CFAP52: variants seen among roughly 807,000 people sequenced by gnomAD.
CFAP52 encodes cilia and flagella associated protein 52.
Under a neutral mutation model 70.5 loss-of-function variants are expected in CFAP52, and 57 were observed. The ratio of observed to expected loss-of-function variants is 0.81; its 90% CI spans 0.65 to 1.01. The LOEUF is 1.01. CFAP52 is among the 50% of genes least tolerant of loss of function. The pLI is 0.00. For synonymous variants in CFAP52, 267 were observed against 292.5 expected (o/e 0.91, Z 0.89); for missense variants, 785 against 788.5 (o/e 1.00, Z 0.05).
chr17:9,644,266 T>C (rs978108655), downstream of CFAP52, among the ~76,000 whole-genome samples: 2 of 152,254 alleles, frequency 1.3e-5, no homozygotes, highest in African/African-American at 4.8e-5. Flanking sequence ...CCACCACGCC[T>C]GGCTAATTTT....
At chr17:9,628,418 T>C (rs1260071396) in intron 8 of CFAP52, among the ~76,000 whole-genome samples, 1 of 152,022 alleles carries the variant, frequency 6.6e-6, no homozygotes, top group Non-Finnish European at 1.5e-5. Flanking sequence ...TAGCTGGGAT[T>C]ACAGGCATGC....
At chr17:9,600,498 C>T (rs191164063) in intron 6 of CFAP52, among the ~76,000 whole-genome samples, 1 of 152,180 alleles carries the variant, frequency 6.6e-6, no homozygotes. Context: ...CCACCTTGGC[C>T]TCTCAAAGTG....
Position 9,590,275 on chromosome 17 carries a change from G to A in CFAP52, c.407+3441G>A, listed in dbSNP as rs892396169. ...ATGCCCATGTGCCTGCCCTTCTGGCGGGCCAAGGTGTTTTCCCATCATCCA... is the reference window on the plus strand; with the variant it reads ...ATGCCCATGTGCCTGCCCTTCTGGCAGGCCAAGGTGTTTTCCCATCATCCA... On this transcript the variant is annotated intron_variant, in intron 3 of 13. Transcript: ENST00000352665. 4.4e-4 allele frequency: 83 copies of A among 189,352 alleles called. 1 individual carries two copies. Among genetic ancestry groups the A allele is most frequent in the Admixed American group, 4.3e-3 (83 of 19,180 alleles). 11.7% of individuals were successfully genotyped at this position (189,352 alleles called of 1,614,324 possible).
downstream of CFAP52, chr17:9,644,962 G>C (rs1275275666): frequency 6.6e-6 from 1 of 152,176 alleles, no homozygotes; most frequent in Admixed American, 6.5e-5. Context: ...ACAACCACTC[G>C]GGGGCTTTTT....
chr17:9,610,109 G>A (rs1350063183), intron 7 of CFAP52, among the ~76,000 whole-genome samples: 8 of 152,070 alleles, frequency 5.3e-5, no homozygotes, highest in Admixed American at 2.6e-4. Flanking sequence ...GAGGAATGAT[G>A]AGAAACTTAA....
chr17:9,636,897 T>A (rs1245239498), intron 11 of CFAP52, among the ~76,000 whole-genome samples: 1 of 151,942 alleles, frequency 6.6e-6, no homozygotes, highest in Non-Finnish European at 1.5e-5. Context: ...ATACAAAAAG[T>A]AGCTGGGCGT....
chr17:9,641,314 G>C (rs936270830), intron 12 of CFAP52, among the ~76,000 whole-genome samples: 1 of 152,174 alleles, frequency 6.6e-6, no homozygotes, highest in African/African-American at 2.4e-5. Context: ...GTACAGCCCA[G>C]TCTCTAGAAC....
At chr17:9,577,369 A>G (rs950741985) in intron 1 of CFAP52, among the ~76,000 whole-genome samples, 1 of 152,198 alleles carries the variant, frequency 6.6e-6, no homozygotes, top group Admixed American at 6.5e-5. Flanking sequence ...AAGCGGAGAG[A>G]AAAAGGGACT....
At chr17:9,625,697 G>C (rs921252774) in intron 8 of CFAP52, among the ~76,000 whole-genome samples, 4 of 152,144 alleles carry the variant, frequency 2.6e-5, no homozygotes, top group African/African-American at 9.7e-5. Context: ...ACCCTTTCCA[G>C]TTGCACTCTT....
At chr17:9,614,375 C>T (rs1422746821) in intron 8 of CFAP52, among the ~76,000 whole-genome samples, 13 of 151,968 alleles carry the variant, frequency 8.6e-5, no homozygotes, top group Admixed American at 5.9e-4. Context: ...CAGCTGGTCG[C>T]GAGCTCCCAA....
chr17:9,633,642 C>T (rs149175633), intron 10 of CFAP52, among the ~76,000 whole-genome samples: 356 of 151,652 alleles, frequency 2.3e-3, no homozygotes, highest in African/African-American at 8.3e-3. Context: ...TCTTTTCCTC[C>T]GAGGATCGTG....
chr17:9,631,675 G>A (rs1464487911), intron 9 of CFAP52, among the ~76,000 whole-genome samples: 1 of 152,138 alleles, frequency 6.6e-6, no homozygotes, highest in Non-Finnish European at 1.5e-5. Context: ...GATGGCGGGG[G>A]TTGGGGGTCG....
At chr17:9,638,529 AC>A in intron 11 of CFAP52, 79 bp from the exon 12 acceptor site, 1 of 1,389,626 alleles carries the variant, frequency 7.2e-7, no homozygotes, top group South Asian at 1.2e-5. Flanking sequence ...CCCAGCTTGC[AC>A]CAAATCCAGC....
At chr17:9,585,498 C>A (rs559089696) in intron 1 of CFAP52, among the ~76,000 whole-genome samples, 1 of 152,188 alleles carries the variant, frequency 6.6e-6, no homozygotes, top group South Asian at 2.1e-4. Flanking sequence ...GAAACCCCGT[C>A]TCTACTAAAA....
At chr17:9,638,537 C>T in intron 11 of CFAP52, 72 bp from the exon 12 acceptor site, 1 of 1,452,282 alleles carries the variant, frequency 6.9e-7, no homozygotes, top group Non-Finnish European at 9.6e-7. Context: ...GCACCAAATC[C>T]AGCTTGAATA....
intron 2 of CFAP52, among the ~76,000 whole-genome samples, chr17:9,586,440 G>C (rs2151928325): frequency 6.6e-6 from 1 of 152,144 alleles, no homozygotes; most frequent in Non-Finnish European, 1.5e-5. Flanking sequence ...GTGCATGCCT[G>C]TAATCCCAGC....
At chr17:9,638,844 C>A (rs2151953496) in intron 12 of CFAP52, 133 bp downstream of exon 12, 1 of 815,750 alleles carries the variant, frequency 1.2e-6, no homozygotes, top group Non-Finnish European at 2.0e-6. Flanking sequence ...TCAGCCATGC[C>A]ACTTTGGAAA....
chr17:9,615,785 A>G (rs1405160659), intron 8 of CFAP52, among the ~76,000 whole-genome samples: 1 of 135,194 alleles, frequency 7.4e-6, no homozygotes, highest in Non-Finnish European at 1.5e-5. Context: ...ATTAAAACAA[A>G]AAAAAAATTC....
At chr17:9,641,692 G>A in intron 12 of CFAP52, 32 bp from the exon 13 acceptor site, 1 of 1,548,102 alleles carries the variant, frequency 6.5e-7, no homozygotes, top group Non-Finnish European at 8.9e-7. Context: ...CCTGAGCTGA[G>A]TCCTGCTTAA....
Sources: allele counts gnomAD v4.1 joint callset (sites outside exome capture counted in the v4.1 genomes callset), GRCh38; gene constraint gnomAD v4.1.1; transcripts MANE v1.5; gene names NCBI Gene and HGNC (gene_info 2026-07-23, HGNC 2026-07-21).